The following ZNF605 variants were observed in gnomAD, a reference collection of about 807,000 sequenced individuals.
ZNF605 encodes zinc finger protein 605.
ZNF605 carries 9 observed loss-of-function variants against 7.9 expected under a neutral mutation model. The ratio of observed to expected loss-of-function variants is 1.14; its 90% CI spans 0.68 to 1.98. ZNF605 has a LOEUF of 1.98. Among genes scored for constraint, ZNF605 ranks in the 30% most tolerant of loss-of-function variants. The pLI, the probability that ZNF605 is intolerant of heterozygous loss-of-function variation, is 0.00. For missense variants in ZNF605, 673 were observed against 762.4 expected (o/e 0.88, Z 1.38); for synonymous variants, 255 against 260.1 (o/e 0.98, Z 0.19).
In ZNF605 at chr12:132,935,621, G is replaced by A. The variant is rs367625964; in HGVS notation, c.16-2466C>T. On this transcript the variant is annotated intron_variant, in intron 3 of 4. Transcript: ENST00000360187. ...CATAAAAAAAAAATCATCCAGGTGC[G>A]GTGGCTCACGCCTGTAACCCCAGCA... Among the ~76,000 whole-genome samples, 1,110 of 131,076 alleles carry A rather than the reference G, an allele frequency of 8.5e-3. 16 individuals are homozygous for A. Among genetic ancestry groups the A allele is most frequent in the African/African-American group, 0.025 (977 of 39,396 alleles). 86.0% of individuals were successfully genotyped at this position (131,076 alleles called of 152,430 possible).
chr12:132,927,814 A>C (rs1406506262), intron 4 of ZNF605, among the ~76,000 whole-genome samples: 1 of 151,140 alleles, frequency 6.6e-6, no homozygotes, highest in African/African-American at 2.4e-5. Context: ...GCGCCATCAC[A>C]CTTGGCTAAT....
chr12:132,920,236 T>A lies in ZNF605; in HGVS notation c.*5137A>T, dbSNP rs945819435. On this transcript the variant is annotated 3_prime_UTR_variant, in exon 5 of 5. Coordinates refer to ENST00000360187, the MANE Select transcript of ZNF605 (RefSeq NM_183238.4). ...CTCACTGCAAGCTCCACCTCCCAGG[T>A]TCACGCCATTCTCCTGCCTCAGCCT... 1.3e-5 allele frequency: 2 copies of A among 151,760 alleles called. No homozygotes were observed. The highest frequency in any genetic ancestry group is 6.6e-5 in the Admixed American group (1 of 15,206). The allele number at this position is 151,760 out of a possible 1,614,324, so 9.4% of individuals were successfully genotyped here. A position where few individuals can be genotyped will look rare whatever the true frequency, so the allele number is the denominator to read the frequency against.
At chr12:132,940,315 C>T (rs765001808) in intron 3 of ZNF605, among the ~76,000 whole-genome samples, 223 of 152,320 alleles carry the variant, frequency 1.5e-3, no homozygotes, top group Middle Eastern at 0.01. Flanking sequence ...ATGACATGAA[C>T]TTGGACGTGT....
At chr12:132,950,303 A>T (rs953391178) in intron 1 of ZNF605, among the ~76,000 whole-genome samples, 13 of 152,110 alleles carry the variant, frequency 8.5e-5, no homozygotes, top group African/African-American at 2.9e-4. Context: ...AATCCTGAGT[A>T]TTTAATCCCT....
In ZNF605 at chr12:132,920,434, T is replaced by G. The variant is rs376871535; in HGVS notation, c.*4939A>C. The G allele has an allele frequency of 6.6e-6, 1 of 152,172 alleles. No individual in the cohort carries two copies. Among genetic ancestry groups the G allele is most frequent in the Admixed American group, 6.6e-5 (1 of 15,262 alleles). The allele number at this position is 152,172 out of a possible 1,614,324, so 9.4% of individuals were successfully genotyped here. On this transcript the variant is annotated 3_prime_UTR_variant, in exon 5 of 5. Coordinates refer to ENST00000360187, the MANE Select transcript of ZNF605 (RefSeq NM_183238.4). ...GATTACAGGCGTGAGCCACCGCGCC[T>G]GGCCTGGTTTATTTAATGTTAGCAT...
intron 3 of ZNF605, among the ~76,000 whole-genome samples, chr12:132,936,154 A>T (rs934958492): frequency 6.6e-6 from 1 of 151,962 alleles, no homozygotes; most frequent in African/African-American, 2.4e-5. Context: ...TATTTAATAT[A>T]TTCAAAGAAA....
chr12:132,928,724 C>T (rs1337716783), intron 4 of ZNF605, among the ~76,000 whole-genome samples: 1 of 152,122 alleles, frequency 6.6e-6, no homozygotes, highest in Non-Finnish European at 1.5e-5. Context: ...AAATATAAAA[C>T]GAGGCTGGGC....
At chr12:132,944,262 GGC>G (rs1168073500) in intron 3 of ZNF605, among the ~76,000 whole-genome samples, 21 of 151,724 alleles carry the variant, frequency 1.4e-4, no homozygotes, top group Admixed American at 3.9e-4. Context: ...CCGTCACCCA[GGC>G]TGGAGTGCAG....
At chr12:132,950,602 A>G (rs1441978490) in intron 1 of ZNF605, among the ~76,000 whole-genome samples, 1 of 151,642 alleles carries the variant, frequency 6.6e-6, no homozygotes, top group East Asian at 1.9e-4. Context: ...GCACACGTAC[A>G]CACACACAAA....
chr12:132,939,645 G>A (rs1319376847), intron 3 of ZNF605, among the ~76,000 whole-genome samples: 3 of 152,234 alleles, frequency 2.0e-5, no homozygotes, highest in Non-Finnish European at 4.4e-5. Flanking sequence ...CTACCAATCA[G>A]CAGGATGTGG....
In ZNF605 at chr12:132,925,444, A is replaced by C. The variant is rs950770084; in HGVS notation, c.1855T>G (p.Cys619Gly). ...RIHTGDKYYG[C>G]NECGTTFNRK... ...TTGAAGGTGGTCCCACACTCATTGC[A>C]TCCATAGTATTTATCTCCTGTATGA... The change falls in exon 5 of 5, where the codon TGC becomes GGC. Residue 619 changes from cysteine (C) to glycine (G), a missense_variant. Coordinates refer to ENST00000360187, the MANE Select transcript of ZNF605 (RefSeq NM_183238.4). 1 of 1,614,084 alleles carries C rather than the reference A, an allele frequency of 6.2e-7. No homozygotes were observed. Among genetic ancestry groups the C allele is most frequent in the Non-Finnish European group, 8.5e-7 (1 of 1,179,958 alleles).
At chr12:132,928,136 G>A (rs1022368370) in intron 4 of ZNF605, among the ~76,000 whole-genome samples, 2 of 152,192 alleles carry the variant, frequency 1.3e-5, no homozygotes, top group Admixed American at 6.5e-5. Flanking sequence ...GAGAAGAAGT[G>A]AGGTAATATA....
Position 132,948,280 on chromosome 12 carries a change from A to T in ZNF605, c.-285-10T>A, listed in dbSNP as rs1159563088. ...CTTCATCAGAATGAGTCTGAAAAGA[A>T]ATGTCCAAAAAAAGCTTCCTGTAAA... On this transcript the variant is annotated splice_polypyrimidine_tract_variant and intron_variant, in intron 1 of 4. Transcript: ENST00000360187. 20 of 152,360 alleles carry T rather than the reference A, an allele frequency of 1.3e-4. No individual in the cohort carries two copies. The highest frequency in any genetic ancestry group is 4.8e-4 in the African/African-American group (20 of 41,586). 9.4% of individuals were successfully genotyped at this position (152,360 alleles called of 1,614,324 possible).
Position 132,918,558 on chromosome 12 carries a change from A to G in ZNF605, c.*6815T>C, listed in dbSNP as rs1952177647. ...AACAGCTGCTCATTTTCAGTTAGCT[A>G]TTAGCCTTTTAGCCCCACCCTTGTT... On this transcript the variant is annotated 3_prime_UTR_variant, in exon 5 of 5. Coordinates refer to ENST00000360187, the MANE Select transcript of ZNF605 (RefSeq NM_183238.4). 1 of 152,288 alleles carries G rather than the reference A, an allele frequency of 6.6e-6. No individual in the cohort carries two copies. Among genetic ancestry groups the G allele is most frequent in the Non-Finnish European group, 1.5e-5 (1 of 68,104 alleles). 9.4% of individuals were successfully genotyped at this position (152,288 alleles called of 1,614,324 possible).
Position 132,922,442 on chromosome 12 carries a change from A to G in ZNF605, c.*2931T>C, listed in dbSNP as rs1473965251. ...AAGCACAAAGAACTTTGTATTTGTT[A>G]TAATTTCTACTGCATTGTCCAGATA... is the stretch of plus-strand genomic sequence containing the variant. On this transcript the variant is annotated 3_prime_UTR_variant, in exon 5 of 5. Coordinates refer to ENST00000360187, the MANE Select transcript of ZNF605 (RefSeq NM_183238.4). The G allele has an allele frequency of 1.3e-5, 2 of 152,252 alleles. No individual in the cohort carries two copies. The highest frequency in any genetic ancestry group is 2.9e-5 in the Non-Finnish European group (2 of 68,048). 9.4% of individuals were successfully genotyped at this position (152,252 alleles called of 1,614,324 possible).
chr12:132,937,514 C>G (rs1030947334), intron 3 of ZNF605, among the ~76,000 whole-genome samples: 4 of 151,238 alleles, frequency 2.6e-5, no homozygotes, highest in Admixed American at 2.6e-4. Context: ...CACACACACA[C>G]AGACACACAC....
rs1359232199 is a variant in ZNF605, at chr12:132,924,685, G to C, written c.*688C>G. On this transcript the variant is annotated 3_prime_UTR_variant, in exon 5 of 5. Coordinates refer to ENST00000360187, the MANE Select transcript of ZNF605 (RefSeq NM_183238.4). Reference sequence around the variant, plus strand: ...CTCACTCTGTCTGCAGTCTCCTGAGGATCACAAACCTGTGCTTGTCCTATG... The same window carrying C: ...CTCACTCTGTCTGCAGTCTCCTGAGCATCACAAACCTGTGCTTGTCCTATG... 1 of 152,202 alleles carries C rather than the reference G, an allele frequency of 6.6e-6. No individual in the cohort carries two copies. Among genetic ancestry groups the C allele is most frequent in the Non-Finnish European group, 1.5e-5 (1 of 68,058 alleles). 9.4% of individuals were successfully genotyped at this position (152,202 alleles called of 1,614,324 possible).
At position 132,923,813 on chromosome 12, in the gene ZNF605, C is replaced by T. The variant is rs919204977; in HGVS notation, c.*1560G>A. ...CATTTTCTCCTCTCCTTCTGGGACT[C>T]CAGTTAAACATATATTACACTACTG... On this transcript the variant is annotated 3_prime_UTR_variant, in exon 5 of 5. Coordinates refer to ENST00000360187, the MANE Select transcript of ZNF605 (RefSeq NM_183238.4). The T allele has an allele frequency of 6.6e-6, 1 of 152,174 alleles. No individual in the cohort carries two copies. Among genetic ancestry groups the T allele is most frequent in the Admixed American group, 6.5e-5 (1 of 15,270 alleles). 9.4% of individuals were successfully genotyped at this position (152,174 alleles called of 1,614,324 possible). A position where few individuals can be genotyped will look rare whatever the true frequency, so the allele number is the denominator to read the frequency against.
At chr12:132,936,964 A>G (rs2137139625) in intron 3 of ZNF605, among the ~76,000 whole-genome samples, 1 of 152,370 alleles carries the variant, frequency 6.6e-6, no homozygotes, top group Admixed American at 6.5e-5. Context: ...CAAATTACAT[A>G]CTTGCTAAAG....
Sources: allele counts gnomAD v4.1 joint callset (sites outside exome capture counted in the v4.1 genomes callset), GRCh38; gene constraint gnomAD v4.1.1; transcripts MANE v1.5; gene names NCBI Gene and HGNC (gene_info 2026-07-23, HGNC 2026-07-21).